Variants in ISLR2 observed in about 807,000 individuals in gnomAD.
ISLR2 encodes immunoglobulin superfamily containing leucine-rich repeat protein 2.
ISLR2 carries 16 observed loss-of-function variants against 25.5 expected under a neutral mutation model. That is an observed-to-expected ratio of 0.63 (90% confidence interval 0.43 to 0.95). The LOEUF (loss-of-function observed/expected upper bound fraction) is 0.95, where lower values mean the gene tolerates loss of function less well. ISLR2 is among the 40% of genes least tolerant of loss of function. The probability of loss-of-function intolerance (pLI) is 0.00; values close to 1 mark genes in which losing one functional copy is unlikely to be tolerated. For missense variants in ISLR2, 883 were observed against 1,030.7 expected, an observed-to-expected ratio of 0.86 and a Z score of 1.96; for synonymous variants, 508 against 486.6, an observed-to-expected ratio of 1.04 and a Z score of -0.58.
chr15:74,108,048 G>A (rs535272908), intron 2 of ISLR2, among the ~76,000 whole-genome samples: 1 of 152,166 alleles, frequency 6.6e-6, no homozygotes, highest in Admixed American at 6.5e-5. Context: ...GGTTGGAGCT[G>A]GGAGGTGTCG....
intron 1 of ISLR2, among the ~76,000 whole-genome samples, chr15:74,102,149 T>A (rs1293770570): frequency 2.8e-5 from 3 of 106,736 alleles, no homozygotes; most frequent in Non-Finnish European, 3.8e-5. Flanking sequence ...ACCCGGGAGG[T>A]GGGGGTTGCA....
At chr15:74,109,537 GC>G (rs1203550046) in intron 2 of ISLR2, among the ~76,000 whole-genome samples, 1 of 152,174 alleles carries the variant, frequency 6.6e-6, no homozygotes, top group Non-Finnish European at 1.5e-5. Flanking sequence ...CCAACCTGGG[GC>G]CCACAGGAGG....
chr15:74,123,904 G>A (rs772787725), upstream of ISLR2, among the ~76,000 whole-genome samples: 7 of 152,114 alleles, frequency 4.6e-5, no homozygotes, highest in Non-Finnish European at 7.4e-5. Context: ...TACTTGGGAG[G>A]ATGAGGCAGG....
At chr15:74,139,393 A>G (rs1397449601), downstream of ISLR2, among the ~76,000 whole-genome samples, 3 of 152,222 alleles carry the variant, frequency 2.0e-5, no homozygotes, top group Non-Finnish European at 4.4e-5. Flanking sequence ...AACTTATTTA[A>G]TTACATTAAA....
chr15:74,141,408 A>G (rs887053036), downstream of ISLR2, among the ~76,000 whole-genome samples: 1 of 152,220 alleles, frequency 6.6e-6, no homozygotes, highest in Non-Finnish European at 1.5e-5. Context: ...GATTATATAA[A>G]TTACCGAGGA....
intron 2 of ISLR2, among the ~76,000 whole-genome samples, chr15:74,119,834 G>A (rs1234639452): frequency 6.6e-6 from 1 of 152,130 alleles, no homozygotes; most frequent in Admixed American, 6.5e-5. Context: ...GAGCAGACCA[G>A]CCTTTTATAC....
upstream of ISLR2, among the ~76,000 whole-genome samples, chr15:74,123,611 C>G (rs2072270044): frequency 6.6e-6 from 1 of 152,174 alleles, no homozygotes; most frequent in Admixed American, 6.5e-5. Context: ...CACATTTTTC[C>G]TAAGACCAAG....
upstream of ISLR2, among the ~76,000 whole-genome samples, chr15:74,125,345 C>T (rs2072286540): frequency 6.6e-6 from 1 of 152,114 alleles, no homozygotes; most frequent in Non-Finnish European, 1.5e-5. Context: ...TCAAGCGATC[C>T]TCTGGTCTCA....
upstream of ISLR2, chr15:74,126,932 G>A (rs1359629217): frequency 1.3e-5 from 2 of 151,878 alleles, no homozygotes; most frequent in African/African-American, 4.9e-5. Context: ...GTGTGTGTGT[G>A]TGTGTGTGTG....
At chr15:74,123,871 C>T (rs924245608), upstream of ISLR2, among the ~76,000 whole-genome samples, 3 of 152,094 alleles carry the variant, frequency 2.0e-5, no homozygotes, top group Non-Finnish European at 4.4e-5. Context: ...GAGCTGGGTG[C>T]GATGTGTGCC....
intron 2 of ISLR2, among the ~76,000 whole-genome samples, chr15:74,110,907 C>G (rs567093833): frequency 2.6e-5 from 4 of 152,056 alleles, no homozygotes; most frequent in Non-Finnish European, 5.9e-5. Context: ...TGCAGTAAGC[C>G]GAGATTGAGA....
intron 2 of ISLR2, among the ~76,000 whole-genome samples, chr15:74,104,769 G>T (rs975265161): frequency 2.7e-5 from 4 of 150,910 alleles, no homozygotes; most frequent in African/African-American, 9.8e-5. Flanking sequence ...TTTCTCTGTT[G>T]CATATGGGGT....
At chr15:74,110,019 C>G (rs1460881665) in intron 2 of ISLR2, among the ~76,000 whole-genome samples, 1 of 152,148 alleles carries the variant, frequency 6.6e-6, no homozygotes, top group African/African-American at 2.4e-5. Flanking sequence ...GTCTTGAACT[C>G]CTTGGCTCGA....
upstream of ISLR2, chr15:74,129,045 C>A (rs567542439): frequency 6.4e-5 from 29 of 456,608 alleles, no homozygotes; most frequent in Non-Finnish European, 1.2e-4. This position sits in a 1 kb window ranked among gnomAD's most constrained non-coding sequence, Gnocchi z 4.5. Context: ...ACCCCTCGAC[C>A]ATTTTCGAAG....
At chr15:74,141,189 A>G (rs971573286), downstream of ISLR2, among the ~76,000 whole-genome samples, 4 of 152,138 alleles carry the variant, frequency 2.6e-5, no homozygotes, top group Admixed American at 1.3e-4. Context: ...TTTAATAATT[A>G]AGTTTAAGTC....
chr15:74,138,500 C>T (rs1397208048), downstream of ISLR2: 3 of 152,602 alleles, frequency 2.0e-5, no homozygotes, highest in African/African-American at 7.2e-5. Flanking sequence ...AAGACAGTTC[C>T]AGCTTTAAGA....
In ISLR2 at chr15:74,135,925, C is replaced by T. The variant is rs1163230032; in HGVS notation, c.*933C>T. 1 of 167,020 alleles carries T rather than the reference C, an allele frequency of 6.0e-6. No individual in the cohort carries two copies. Among genetic ancestry groups the T allele is most frequent in the Non-Finnish European group, 1.5e-5 (1 of 68,130 alleles). The allele number at this position is 167,020 out of a possible 1,614,324, so 10.3% of individuals were successfully genotyped here. A position where few individuals can be genotyped will look rare whatever the true frequency, so the allele number is the denominator to read the frequency against. ...CTGTCCTCCCACCCCCACCCCACTT[C>T]TGGCCAGTTGGAGTCCAGCCCGGTG... On this transcript the variant is annotated 3_prime_UTR_variant, in exon 3 of 3. Coordinates refer to ENST00000453268, the MANE Select transcript of ISLR2 (RefSeq NM_020851.3).
At chr15:74,114,464 G>T (rs979535805) in intron 2 of ISLR2, among the ~76,000 whole-genome samples, 1 of 152,094 alleles carries the variant, frequency 6.6e-6, no homozygotes, top group Non-Finnish European at 1.5e-5. Context: ...TAATAAGAAA[G>T]ATACAATTTT....
chr15:74,129,748 G>T (rs941958358), upstream of ISLR2: 3 of 152,394 alleles, frequency 2.0e-5, no homozygotes, highest in African/African-American at 7.2e-5. The surrounding 1 kb of genome is among the most constrained non-coding windows in gnomAD (Gnocchi z 4.5). Flanking sequence ...GCGGGGCGGT[G>T]AGGGGCCACC....
Sources: allele counts gnomAD v4.1 joint callset (sites outside exome capture counted in the v4.1 genomes callset), GRCh38; gene constraint gnomAD v4.1.1; non-coding constraint Gnocchi (gnomAD v3.1); transcripts MANE v1.5; gene names NCBI Gene and HGNC (gene_info 2026-07-23, HGNC 2026-07-21).